The following NEBL variants were observed in gnomAD, a reference collection of about 807,000 sequenced individuals.
NEBL encodes nebulette, also known as LIM and SH3 protein 2.
In NEBL, 122 loss-of-function variants were observed where a neutral mutation model predicts 140.2. The observed-to-expected ratio is 0.87, with a 90% CI of 0.75 to 1.01. NEBL has a LOEUF of 1.01. Among genes scored for constraint, NEBL ranks in the 50% least tolerant of loss-of-function variants. The pLI is 0.00. For missense variants in NEBL, 1,365 were observed against 1,231.3 expected (o/e 1.11, Z -1.62); for synonymous variants, 436 against 398.9 (o/e 1.09, Z -1.11).
At chr10:21,163,647 C>G (rs1217143189) in intron 2 of NEBL, among the ~76,000 whole-genome samples, 1 of 152,180 alleles carries the variant, frequency 6.6e-6, no homozygotes, top group African/African-American at 2.4e-5. Flanking sequence ...GTTGCACCTG[C>G]CTTTGATGGA....
intron 1 of NEBL, among the ~76,000 whole-genome samples, chr10:21,269,450 A>G (rs546407344): frequency 2.6e-5 from 4 of 152,216 alleles, no homozygotes; most frequent in Admixed American, 6.5e-5. Flanking sequence ...GAGCACAACA[A>G]ACAGAGTTGC....
intron 3 of NEBL, among the ~76,000 whole-genome samples, chr10:21,185,550 T>C (rs938204082): frequency 7.5e-6 from 1 of 134,084 alleles, no homozygotes; most frequent in African/African-American, 2.9e-5. Context: ...CAGGTTGGAG[T>C]GCAGTGGCAT....
intron 1 of NEBL, among the ~76,000 whole-genome samples, chr10:21,282,851 G>A (rs938688711): frequency 6.6e-5 from 10 of 152,150 alleles, no homozygotes; most frequent in East Asian, 1.9e-4. Flanking sequence ...TAGGCAGGGC[G>A]CAGTGGCTCA....
At chr10:21,169,229 A>G (rs1840971813) in intron 2 of NEBL, among the ~76,000 whole-genome samples, 1 of 150,520 alleles carries the variant, frequency 6.6e-6, no homozygotes, top group South Asian at 2.1e-4. Flanking sequence ...TTTTTCATGT[A>G]TGAAAATTTT....
At chr10:20,787,386 T>C (rs1323782104) in intron 26 of NEBL, 78 bp from the exon 27 acceptor site, 4 of 1,099,998 alleles carry the variant, frequency 3.6e-6, no homozygotes, top group Non-Finnish European at 5.5e-6. Context: ...CTCAGAGTGA[T>C]GTTATGCTCT....
rs549558619 is a variant in NEBL at position 21,227,653 on chromosome 10, TTTC to T, written n.348+20265_348+20267del. On this transcript the variant is annotated intron_variant and non_coding_transcript_variant, in intron 3 of 8. Coordinates refer to the NEBL transcript ENST00000675702. ...TAAGGGAATTCAAAAGCACTTGAAGTTTCTTCTTCTTCTTCTTCTTCTTCTTCT... is the reference window on the plus strand; with the variant it reads ...TAAGGGAATTCAAAAGCACTTGAAGTTTCTTCTTCTTCTTCTTCTTCTTCT... Among the ~76,000 whole-genome samples, 697 of 83,242 alleles carry T rather than the reference TTTC, an allele frequency of 8.4e-3. 28 individuals are homozygous for T. Among genetic ancestry groups the T allele is most frequent in the East Asian group, 0.014 (40 of 2,796 alleles). The allele number at this position is 83,242 out of a possible 152,430, so 54.6% of individuals were successfully genotyped here. A position where few individuals can be genotyped will look rare whatever the true frequency, so the allele number is the denominator to read the frequency against.
intron 2 of NEBL, among the ~76,000 whole-genome samples, chr10:21,037,908 C>G (rs1308899705): frequency 6.6e-6 from 1 of 152,060 alleles, no homozygotes; most frequent in African/African-American, 2.4e-5. Context: ...GGAGTAAGAA[C>G]CATTTGCATC....
At chr10:21,061,604 T>C (rs997597129) in intron 2 of NEBL, among the ~76,000 whole-genome samples, 1 of 150,952 alleles carries the variant, frequency 6.6e-6, no homozygotes, top group African/African-American at 2.4e-5. Context: ...CCTAAACTTA[T>C]CTGACGTTGG....
intron 4 of NEBL, among the ~76,000 whole-genome samples, chr10:20,957,358 G>A (rs1835854835): frequency 6.6e-6 from 1 of 152,162 alleles, no homozygotes; most frequent in African/African-American, 2.4e-5. Flanking sequence ...TCAAATTATA[G>A]AGAGATTACT....
At chr10:21,236,336 CTTTT>C (rs1174276032) in intron 3 of NEBL, among the ~76,000 whole-genome samples, 4 of 147,196 alleles carry the variant, frequency 2.7e-5, no homozygotes, top group African/African-American at 1.0e-4. Flanking sequence ...TATTTTATTC[CTTTT>C]TTTAATTTTT....
At chr10:20,916,326 T>C (rs1241517845) in intron 4 of NEBL, among the ~76,000 whole-genome samples, 1 of 152,180 alleles carries the variant, frequency 6.6e-6, no homozygotes, top group East Asian at 1.9e-4. Flanking sequence ...TAATTAAAAA[T>C]ATAAAAACAG....
At chr10:21,286,047 C>T (rs1273409850) in intron 1 of NEBL, among the ~76,000 whole-genome samples, 1 of 152,212 alleles carries the variant, frequency 6.6e-6, no homozygotes, top group Admixed American at 6.5e-5. Flanking sequence ...TGGTTCTCCC[C>T]CTCTCTTTAG....
chr10:21,103,974 G>C (rs1837594124), intron 2 of NEBL, among the ~76,000 whole-genome samples: 2 of 152,108 alleles, frequency 1.3e-5, no homozygotes, highest in South Asian at 4.1e-4. Flanking sequence ...TGAGCTGTGA[G>C]GTAAGTGCTC....
At chr10:20,940,064 T>A (rs893146927) in intron 4 of NEBL, among the ~76,000 whole-genome samples, 2 of 151,862 alleles carry the variant, frequency 1.3e-5, no homozygotes, top group African/African-American at 4.8e-5. Context: ...GGAATTGAAC[T>A]CAGCTCTGCA....
intron 3 of NEBL, among the ~76,000 whole-genome samples, chr10:21,211,913 G>A (rs1238457134): frequency 6.6e-6 from 1 of 152,026 alleles, no homozygotes; most frequent in Non-Finnish European, 1.5e-5. Flanking sequence ...TTTCATAAAT[G>A]ACCTACCAAG....
chr10:20,830,879 G>A (rs560525375), intron 16 of NEBL, among the ~76,000 whole-genome samples: 2 of 145,238 alleles, frequency 1.4e-5, no homozygotes, highest in Admixed American at 1.4e-4. Flanking sequence ...ATTCCAGCCT[G>A]GGTGAAAGAG....
At chr10:21,004,647 G>A (rs1048727239) in intron 3 of NEBL, among the ~76,000 whole-genome samples, 6 of 152,046 alleles carry the variant, frequency 3.9e-5, no homozygotes, top group Non-Finnish European at 8.8e-5. Flanking sequence ...GTGAACCCGG[G>A]AGGTGGAGCT....
chr10:20,976,340 A>T (rs79621822), intron 3 of NEBL, among the ~76,000 whole-genome samples: 1 of 146,996 alleles, frequency 6.8e-6, no homozygotes, highest in African/African-American at 2.6e-5. Context: ...TCTATATTAA[A>T]AAAAAAAAAA....
intron 1 of NEBL, among the ~76,000 whole-genome samples, chr10:21,286,524 A>G (rs1306123312): frequency 2.6e-5 from 4 of 152,232 alleles, no homozygotes; most frequent in Admixed American, 2.6e-4. Flanking sequence ...TTTGGCCTTT[A>G]GCAGACTGGA....
Sources: allele counts gnomAD v4.1 joint callset (sites outside exome capture counted in the v4.1 genomes callset), GRCh38; gene constraint gnomAD v4.1.1; transcripts MANE v1.5; gene names NCBI Gene and HGNC (gene_info 2026-07-23, HGNC 2026-07-21).